Variants in SPTAN1 observed in about 807,000 individuals in gnomAD.
SPTAN1 encodes the protein spectrin alpha chain, non-erythrocytic 1.
A neutral mutation model predicts 331.3 loss-of-function variants in SPTAN1; 61 were observed. The ratio of observed to expected loss-of-function variants is 0.18; its 90% CI spans 0.15 to 0.23. The LOEUF (loss-of-function observed/expected upper bound fraction) is 0.23, where lower values mean the gene tolerates loss of function less well. Among genes scored for constraint, SPTAN1 ranks in the 10% least tolerant of loss-of-function variants. SPTAN1 has a pLI of 1.00. For synonymous variants in SPTAN1, 1,153 were observed against 1,173.9 expected (o/e 0.98, Z 0.36); for missense variants, 2,043 against 3,147.9 (o/e 0.65, Z 8.40).
chr9:128,608,267 T>C lies in SPTAN1; in HGVS notation c.4482T>C (p.Ile1494=), dbSNP rs779988474. ...IKKHEDFDKA[I]NVQEEKIAAL... ...AACATGAAGACTTTGACAAAGCGAT[T>C]AACGTCCAGGTGAGGCCTCTGGACC... The change falls in exon 34 of 57, where the codon ATT becomes ATC. Residue 1494 remains isoleucine (I), a synonymous_variant. Coordinates refer to ENST00000372739, the MANE Select transcript of SPTAN1 (RefSeq NM_001130438.3). 13 of 1,614,080 alleles carry C rather than the reference T, an allele frequency of 8.1e-6. No homozygotes were observed. Among genetic ancestry groups the C allele is most frequent in the Non-Finnish European group, 5.9e-6 (7 of 1,180,048 alleles).
At chr9:128,600,213 T>G (rs1359080087) in intron 27 of SPTAN1, 98 bp downstream of exon 27, 18 of 1,342,664 alleles carry the variant, frequency 1.3e-5, no homozygotes, top group Non-Finnish European at 1.8e-5. Flanking sequence ...TCAGCTTAAG[T>G]CTTTAGTCAT....
chr9:128,566,975 C>G lies in SPTAN1; in HGVS notation c.235C>G (p.Gln79Glu). ...DENYKDPTNL[Q>E]GKLQKHQAFE... ...GAATTATAAAGACCCAACCAACTTG[C>G]AGGTACGTCTGATCTCCTGGGATTC... Residue 79 changes from glutamine (Q) to glutamate (E), a missense_variant and splice_region_variant, in exon 2 of 57, where the codon CAG becomes GAG. Transcript: ENST00000372739. 1 of 1,614,066 alleles carries G rather than the reference C, an allele frequency of 6.2e-7. No individual in the cohort carries two copies. The highest frequency in any genetic ancestry group is 8.5e-7 in the Non-Finnish European group (1 of 1,180,038).
At position 128,598,500 on chromosome 9, in the gene SPTAN1, A is replaced by G. The variant is rs1300529175; in HGVS notation, c.3515A>G (p.Gln1172Arg). 1 of 1,605,016 alleles carries G rather than the reference A, an allele frequency of 6.2e-7. No homozygotes were observed. Among genetic ancestry groups the G allele is most frequent in the Non-Finnish European group, 8.5e-7 (1 of 1,175,096 alleles). The change falls in exon 25 of 57, where the codon CAA becomes CGA. Residue 1172 changes from glutamine to arginine, a missense_variant. Around this residue, in one of 12 missense-constraint regions of SPTAN1, gnomAD observed 1,038 missense variants for 1,531.5 expected, o/e 0.68. Transcript: ENST00000372739. ...LMAEEVQAVQ[Q>R]QEVYGMMPRD... ...GCAGAGGAGGTGCAGGCTGTGCAAC[A>G]ACAGGTAGGTGTCTCCATCTTGGAG...
chr9:128,631,624 AAGACC>A (rs1348650996), intron 52 of SPTAN1: 1 of 168,638 alleles, frequency 5.9e-6, no homozygotes, highest in Non-Finnish European at 1.3e-5. Flanking sequence ...CTAGGAATTC[AAGACC>A]AGCCTGGTCA....
rs1355335895 is a variant in SPTAN1 at position 128,577,947 on chromosome 9, C to G, written c.1086-163C>G. 6.6e-6 allele frequency among the ~76,000 whole-genome samples: 1 copy of G among 152,182 alleles called. No homozygotes were observed. The highest frequency in any genetic ancestry group is 2.4e-5 in the African/African-American group (1 of 41,434). On this transcript the variant is annotated intron_variant, in intron 8 of 56. Transcript: ENST00000372739. The surrounding 1 kb of genome is among the most constrained non-coding windows in gnomAD (Gnocchi z 4.2). Reference sequence around the variant, plus strand: ...AAGGGTTGATTTCAGCCTTCTCTTGCTTTCCTTCACAGTCTAGATTGGGAA... The same window carrying G: ...AAGGGTTGATTTCAGCCTTCTCTTGGTTTCCTTCACAGTCTAGATTGGGAA...
intron 27 of SPTAN1, among the ~76,000 whole-genome samples, chr9:128,602,997 C>T (rs1430656780): frequency 6.6e-6 from 1 of 152,102 alleles, no homozygotes; most frequent in African/African-American, 2.4e-5. Context: ...TTGAAATGTA[C>T]GTTGTTGAAA....
At chr9:128,618,608 C>T (rs1011006087) in intron 43 of SPTAN1, among the ~76,000 whole-genome samples, 16 of 152,144 alleles carry the variant, frequency 1.1e-4, no homozygotes, top group Non-Finnish European at 2.1e-4. Context: ...CTCAGCCTCC[C>T]GAGTAGCTGG....
chr9:128,586,065 T>C, intron 19 of SPTAN1, 100 bp downstream of exon 19: 1 of 962,012 alleles, frequency 1.0e-6, no homozygotes, highest in South Asian at 1.4e-5. Flanking sequence ...GAGGTGTGCA[T>C]TACAGTGATT....
At chr9:128,600,338 T>A (rs1408587688) in intron 27 of SPTAN1, among the ~76,000 whole-genome samples, 1 of 152,222 alleles carries the variant, frequency 6.6e-6, no homozygotes, top group African/African-American at 2.4e-5. Flanking sequence ...TTGCATTGAT[T>A]ACCCATGTTG....
chr9:128,587,472 A>G, intron 19 of SPTAN1, 134 bp from the exon 20 acceptor site: 1 of 739,530 alleles, frequency 1.4e-6, no homozygotes, highest in Non-Finnish European at 2.5e-6. Flanking sequence ...TTAGCACTGT[A>G]AGAAGGGCAG....
chr9:128,565,859 A>G (rs375667545), intron 1 of SPTAN1, among the ~76,000 whole-genome samples: 73 of 152,238 alleles, frequency 4.8e-4, no homozygotes, highest in Non-Finnish European at 6.6e-4. Flanking sequence ...AAACCTCTCT[A>G]TAGGCTGTAA....
rs748110014 is a variant in SPTAN1 at position 128,584,835 on chromosome 9, T to C, written c.2552T>C (p.Val851Ala). ...GTTACACAGAAGGGGAATGCCATGG[T>C]GGAGGAAGGTGAGTGATTGGTATCA... ...KAVTQKGNAMVEEGHFAAEDV... is the reference protein window; with the variant it reads ...KAVTQKGNAMAEEGHFAAEDV... The change falls in exon 18 of 57, where the codon GTG (valine) becomes GCG (alanine). Residue 851 changes from valine to alanine, a missense_variant. This residue lies in a region of SPTAN1 where 1,038 missense variants were observed against 1,531.5 expected (regional missense o/e 0.68). Transcript: ENST00000372739. 3.1e-6 allele frequency: 5 copies of C among 1,614,016 alleles called. No homozygotes were observed. Among genetic ancestry groups the C allele is most frequent in the Non-Finnish European group, 4.2e-6 (5 of 1,180,020 alleles).
Position 128,584,431 on chromosome 9 carries a change from C to T in SPTAN1, c.2343C>T (p.Ala781=), listed in dbSNP as rs34084388. The change falls in exon 17 of 57, where the codon GCC becomes GCT. Residue 781 remains alanine (A), a synonymous_variant. Transcript: ENST00000372739. ...TGGTTGCCCGGAAGCAGAAGCTGGCCGATTCTCTGCGGTTGCAGCAGCTCT... is the reference window on the plus strand; with the variant it reads ...TGGTTGCCCGGAAGCAGAAGCTGGCTGATTCTCTGCGGTTGCAGCAGCTCT... ...EPMVARKQKL[A]DSLRLQQLFR... 51 of 1,614,046 alleles carry T rather than the reference C, an allele frequency of 3.2e-5. No homozygotes were observed. The highest frequency in any genetic ancestry group is 5.3e-5 in the African/African-American group (4 of 74,986).
chr9:128,633,444 T>G lies in SPTAN1; in HGVS notation c.*110T>G. ...ACTGTAACCTTAAGCCTGCTTAGCTTGGAATAAGACTTAGGAGAAAATGGT... is the reference window on the plus strand; with the variant it reads ...ACTGTAACCTTAAGCCTGCTTAGCTGGGAATAAGACTTAGGAGAAAATGGT... On this transcript the variant is annotated 3_prime_UTR_variant, in exon 57 of 57. Coordinates refer to ENST00000372739, the MANE Select transcript of SPTAN1 (RefSeq NM_001130438.3). 1 of 1,564,562 alleles carries G rather than the reference T, an allele frequency of 6.4e-7. No individual in the cohort carries two copies. Among genetic ancestry groups the G allele is most frequent in the Non-Finnish European group, 8.7e-7 (1 of 1,145,834 alleles).
intron 25 of SPTAN1, 79 bp downstream of exon 25, chr9:128,598,583 A>G: frequency 8.4e-7 from 1 of 1,194,678 alleles, no homozygotes; most frequent in South Asian, 1.3e-5. Flanking sequence ...TCATAGCCCA[A>G]CAAGCAGTGT....
chr9:128,617,500 CT>C, intron 41 of SPTAN1, 139 bp from the exon 42 acceptor site: 1 of 1,238,028 alleles, frequency 8.1e-7, no homozygotes, highest in Non-Finnish European at 1.2e-6. Context: ...GAAGTAGAGG[CT>C]TTTGTTGTTC....
chr9:128,609,692 G>A (rs759724971), intron 37 of SPTAN1, 27 bp downstream of exon 37: 49 of 1,456,408 alleles, frequency 3.4e-5, no homozygotes, highest in Non-Finnish European at 4.3e-5. Context: ...TTTAAGAGTT[G>A]TAGTTAAATG....
rs1001941336 is a variant in SPTAN1, at chr9:128,625,507, G to A, written c.6070-262G>A. On this transcript the variant is annotated intron_variant, in intron 47 of 56. Coordinates refer to ENST00000372739, the MANE Select transcript of SPTAN1 (RefSeq NM_001130438.3). The surrounding 1 kb of genome is among the most constrained non-coding windows in gnomAD (Gnocchi z 4.1). ...AAACGGTCAGGGAGAGAGGCAGGGC[G>A]AGTGTTCTGGGCAGAGCTGGCAGGG... 1.3e-5 allele frequency among the ~76,000 whole-genome samples: 2 copies of A among 152,166 alleles called. No individual in the cohort carries two copies. The highest frequency in any genetic ancestry group is 2.1e-4 in the South Asian group (1 of 4,822).
intron 31 of SPTAN1, among the ~76,000 whole-genome samples, chr9:128,606,141 G>A (rs186753752): frequency 5.9e-5 from 9 of 152,044 alleles, no homozygotes; most frequent in Non-Finnish European, 8.8e-5. Context: ...GGAAGTCAAA[G>A]CAGGTGGATC....
Sources: gnomAD v4.1 joint callset for allele counts (sites outside exome capture counted in the v4.1 genomes callset) on GRCh38, gnomAD v4.1.1 for gene constraint, gnomAD v4.1.1 regional missense constraint, Gnocchi (gnomAD v3.1) non-coding constraint, MANE v1.5 for transcripts, NCBI Gene and HGNC (gene_info 2026-07-23, HGNC 2026-07-21) for gene names.